The following MUC4 variants were observed in gnomAD, a reference collection of about 807,000 sequenced individuals.
MUC4 encodes the protein mucin-4.
MUC4 carries 202 observed loss-of-function variants against 257.9 expected under a neutral mutation model. That is an observed-to-expected ratio of 0.78 (90% CI 0.70 to 0.88). The LOEUF (loss-of-function observed/expected upper bound fraction) is 0.88. Among genes scored for constraint, MUC4 ranks in the 40% least tolerant of loss-of-function variants. The pLI is 0.00. For missense variants in MUC4, 5,976 were observed against 6,513.7 expected (o/e 0.92, Z 2.84); for synonymous variants, 2,351 against 2,757.1 (o/e 0.85, Z 4.62).
At chr3:195,753,536 C>A in intron 19 of MUC4, 1 of 477,028 alleles carries the variant, frequency 2.1e-6, no homozygotes, top group Non-Finnish European at 3.7e-6. Context: ...CACGCCCTCC[C>A]CTCTCACGTC....
rs1560240644 is a variant in MUC4 at position 195,760,972 on chromosome 3, G to GA, written c.14759dup (p.Tyr4921LeufsTer2). 6.2e-7 allele frequency: 1 copy of GA among 1,614,096 alleles called. No homozygotes were observed. Among genetic ancestry groups the GA allele is most frequent in the Non-Finnish European group, 8.5e-7 (1 of 1,180,036 alleles). On this transcript the variant is annotated frameshift_variant, in exon 16 of 25. Coordinates refer to ENST00000463781, the MANE Select transcript of MUC4 (RefSeq NM_018406.7). LOFTEE classifies it high-confidence loss of function. ...CGTTGCGCAGGGCCAGGGTGTCATA[G>GA]ATGCATGAGCTATCTCCGTCACAGT...
intron 1 of MUC4, among the ~76,000 whole-genome samples, chr3:195,798,583 A>T (rs1187844814): frequency 2.0e-5 from 3 of 150,278 alleles, no homozygotes; most frequent in African/African-American, 7.3e-5. Context: ...GGGCGCCTGT[A>T]GTCCCAGCTA....
intron 1 of MUC4, among the ~76,000 whole-genome samples, chr3:195,800,392 G>A (rs911373155): frequency 6.6e-6 from 1 of 152,152 alleles, no homozygotes; most frequent in Admixed American, 6.5e-5. Flanking sequence ...TCCTGCTGCC[G>A]CAAATAGGAG....
Position 195,779,850 on chromosome 3 carries a change from AGTGTCG to A in MUC4, c.11724_11729del (p.Asp3909_Thr3910del). 2 of 629,962 alleles carry A rather than the reference AGTGTCG, an allele frequency of 3.2e-6. No individual in the cohort carries two copies. The highest frequency in any genetic ancestry group is 4.6e-6 in the Non-Finnish European group (2 of 433,134). 39.0% of individuals were successfully genotyped at this position (629,962 alleles called of 1,614,324 possible). A position where few individuals can be genotyped will look rare whatever the true frequency, so the allele number is the denominator to read the frequency against. On this transcript the variant is annotated inframe_deletion, in exon 2 of 25. Transcript: ENST00000463781. The stretch of plus-strand genomic sequence containing the variant: ...TGGTGTCATCTGTGGAAGCTGAGGA[AGTGTCG>A]GTGACAGGAAGAGGGGTGGCGTGAC...
In MUC4 at chr3:195,780,952, G is replaced by A. The variant is rs755002294; in HGVS notation, c.10628C>T (p.Ser3543Phe). ...GGTGGTGTCACCTGTGGATACTGAG[G>A]AAAGGCTGGTGACAGGAAGAGGCGT... is the stretch of plus-strand genomic sequence containing the variant. ...HATPLPVTSL[S>F]SVSTGDTTPL... is the part of the protein sequence containing the mutation. Residue 3543 changes from serine (S) to phenylalanine (F), a missense_variant, in exon 2 of 25, where the codon TCC (serine) becomes TTC (phenylalanine). Coordinates refer to ENST00000463781, the MANE Select transcript of MUC4 (RefSeq NM_018406.7). 3.3e-6 allele frequency: 5 copies of A among 1,499,714 alleles called. No individual in the cohort carries two copies. The African/African-American group carries it at 6.2e-5, about 18-fold the overall frequency. The allele number at this position is 1,499,714 out of a possible 1,614,324, so 92.9% of individuals were successfully genotyped here. A position where few individuals can be genotyped will look rare whatever the true frequency, so the allele number is the denominator to read the frequency against.
Position 195,780,399 on chromosome 3 carries a change from G to A in MUC4, c.11181C>T (p.Thr3727=), listed in dbSNP as rs1560309581. The A allele has an allele frequency of 1.3e-6, 2 of 1,526,776 alleles. No homozygotes were observed. Among genetic ancestry groups the A allele is most frequent in the South Asian group, 1.2e-5 (1 of 83,448 alleles). The allele number at this position is 1,526,776 out of a possible 1,614,324, so 94.6% of individuals were successfully genotyped here. Residue 3727 remains threonine, a synonymous_variant, in exon 2 of 25, where the codon ACC becomes ACT. Transcript: ENST00000463781. The part of the protein sequence containing the change: ...STSSVSTGHV[T]PLHVTSPSSA... Reference sequence around the variant, plus strand: ...AGGAAGGGCTGGTGACATGAAGAGGGGTGACGTGACCTGTAGATACTGAGG... The same window carrying A: ...AGGAAGGGCTGGTGACATGAAGAGGAGTGACGTGACCTGTAGATACTGAGG...
In MUC4 at chr3:195,781,200, G is replaced by C. The variant is rs745694333; in HGVS notation, c.10380C>G (p.Thr3460=). The C allele has an allele frequency of 1.3e-5, 19 of 1,409,826 alleles. 1 individual carries two copies. In the South Asian group the frequency reaches 2.0e-4, roughly 15 times the overall value. 87.3% of individuals were successfully genotyped at this position (1,409,826 alleles called of 1,614,324 possible). A position where few individuals can be genotyped will look rare whatever the true frequency, so the allele number is the denominator to read the frequency against. The change falls in exon 2 of 25, where the codon ACC becomes ACG. Residue 3460 remains threonine, a synonymous_variant. Transcript: ENST00000463781. ...CACCTGTGGATGCTGAGGAAGTGTC[G>C]GTGACAGGAAGAGGGGTGGTGTGAC... The part of the protein sequence containing the change: ...STGHTTPLPV[T]DTSSASTGDT...
In MUC4 at chr3:195,792,815, G is replaced by A. The variant is rs192856354; in HGVS notation, c.83-1318C>T. 9.2e-5 allele frequency among the ~76,000 whole-genome samples: 14 copies of A among 152,298 alleles called. No individual in the cohort carries two copies. The East Asian group carries it at 2.5e-3, about 27-fold the overall frequency. On this transcript the variant is annotated intron_variant, in intron 1 of 24. Transcript: ENST00000463781. The stretch of plus-strand genomic sequence containing the variant: ...ACTATGCAGCCATGAAAAAGGAATG[G>A]GATCACGTCCTTTGCAGGTACATGG...
Position 195,789,499 on chromosome 3 carries a change from G to A in MUC4, c.2081C>T (p.Thr694Ile). The change falls in exon 2 of 25, where the codon ACC becomes ATC. Residue 694 changes from threonine (T) to isoleucine (I), a missense_variant. Physicochemically the swap from Thr to Ile is moderately conservative, Grantham distance 89 (BLOSUM62 -1). This residue lies in a region of MUC4 where 1,583 missense variants were observed against 1,257.4 expected (regional missense o/e 1.26). Transcript: ENST00000463781. ...ATCCCCGGTGGGAGCTGGGGCAAAG[G>A]TTGTTGCTGCACTTATGGTGGGTGC... ...QDAPTISAAT[T>I]FAPAPTGDGH... 2.5e-6 allele frequency: 4 copies of A among 1,613,836 alleles called. No homozygotes were observed. The South Asian group carries it at 3.3e-5, about 13-fold the overall frequency.
At chr3:195,762,690 C>T (rs1264730425) in intron 13 of MUC4, among the ~76,000 whole-genome samples, 165 bp downstream of exon 13, 1 of 145,744 alleles carries the variant, frequency 6.9e-6, no homozygotes, top group East Asian at 2.0e-4. Context: ...GCACCCGGCC[C>T]TGCACCGCAA....
In MUC4 at chr3:195,786,888, A is replaced by T. The variant is rs1218685110; in HGVS notation, c.4692T>A (p.Gly1564=). ...PVTDASSVST[G]HTTPLPVTSP... The stretch of plus-strand genomic sequence containing the variant: ...TGGTGACAGGAAGAGGGGTGGTGTG[A>T]CCTGTGGATACTGAGGAAGCGTCGG... Residue 1564 remains glycine (G), a synonymous_variant, in exon 2 of 25, where the codon GGT becomes GGA. Transcript: ENST00000463781. 3.3e-6 allele frequency: 5 copies of T among 1,522,726 alleles called. No homozygotes were observed. The highest frequency in any genetic ancestry group is 2.0e-5 in the Admixed American group (1 of 48,818). 94.3% of individuals were successfully genotyped at this position (1,522,726 alleles called of 1,614,324 possible). A position where few individuals can be genotyped will look rare whatever the true frequency, so the allele number is the denominator to read the frequency against.
rs577626139 is a variant in MUC4 at position 195,764,131 on chromosome 3, C to T, written c.13958G>A (p.Arg4653His). 18 of 1,587,930 alleles carry T rather than the reference C, an allele frequency of 1.1e-5. No individual in the cohort carries two copies. Among genetic ancestry groups the T allele is most frequent in the African/African-American group, 4.0e-5 (3 of 74,484 alleles). Residue 4653 changes from arginine to histidine, a missense_variant, in exon 11 of 25, where the codon CGC becomes CAC. Transcript: ENST00000463781. ...ACAGAGGTAGGGCTTGTCATTCCAG[C>T]GGCAGCACCAGCTCTGTGGCTCCAG... is the stretch of plus-strand genomic sequence containing the variant. ...QELEPQSWCC[R>H]WNDKPYLCAL...
rs1216151012 is a variant in MUC4 at position 195,781,260 on chromosome 3, A to T, written c.10320T>A (p.Pro3440=). ...TSSASTGHAT[P]VPVTSTSSAS... is the part of the protein sequence containing the mutation. ...CTGAGGAAGTGCTGGTGACAGGAAC[A>T]GGGGTGGCGTGACCGGTGGATGCTG... The change falls in exon 2 of 25, where the codon CCT becomes CCA. Residue 3440 remains proline, a synonymous_variant. Transcript: ENST00000463781. 3 of 1,499,902 alleles carry T rather than the reference A, an allele frequency of 2.0e-6. No individual in the cohort carries two copies. The highest frequency in any genetic ancestry group is 2.7e-6 in the Non-Finnish European group (3 of 1,117,726). The allele number at this position is 1,499,902 out of a possible 1,614,324, so 92.9% of individuals were successfully genotyped here. A position where few individuals can be genotyped will look rare whatever the true frequency, so the allele number is the denominator to read the frequency against.
chr3:195,768,189 C>T (rs140990113), intron 7 of MUC4, among the ~76,000 whole-genome samples: 39 of 152,298 alleles, frequency 2.6e-4, no homozygotes, highest in African/African-American at 8.7e-4. Flanking sequence ...AATTCCCCTC[C>T]TTTCTCCTTC....
chr3:195,753,339 T>G (rs1577941670), intron 19 of MUC4, 109 bp from the exon 20 acceptor site: 1 of 1,106,446 alleles, frequency 9.0e-7, no homozygotes, highest in Non-Finnish European at 1.3e-6. Context: ...GTGTTCCACT[T>G]CGGGCCACTC....
intron 1 of MUC4, among the ~76,000 whole-genome samples, chr3:195,801,387 G>A (rs1203294397): frequency 6.6e-6 from 1 of 151,966 alleles, no homozygotes; most frequent in African/African-American, 2.4e-5. Flanking sequence ...AAGAACCAAA[G>A]CCGTGCCCTT....
In MUC4 at chr3:195,785,003, G is replaced by T. The variant is rs1165343138; in HGVS notation, c.6577C>A (p.Leu2193Ile). ...GCTGAGGAAGTGTCGGTGACAGGAA[G>T]AGGGGTGGCGTGACCTGTGGATGCT... ...SSASTGHATPLPVTDTSSAST... is the reference protein window; with the variant it reads ...SSASTGHATPIPVTDTSSAST... Residue 2193 changes from leucine to isoleucine, a missense_variant, in exon 2 of 25, where the codon CTT (leucine) becomes ATT (isoleucine). This residue lies in a region of MUC4 where 85 missense variants were observed against 325.0 expected (regional missense o/e 0.26). Coordinates refer to ENST00000463781, the MANE Select transcript of MUC4 (RefSeq NM_018406.7). 1 of 1,516,808 alleles carries T rather than the reference G, an allele frequency of 6.6e-7. No individual in the cohort carries two copies. Among genetic ancestry groups the T allele is most frequent in the Admixed American group, 2.0e-5 (1 of 49,642 alleles). 94.0% of individuals were successfully genotyped at this position (1,516,808 alleles called of 1,614,324 possible).
chr3:195,790,407 T>C lies in MUC4; in HGVS notation c.1173A>G (p.Ser391=), dbSNP rs1248602623. ...TGGAGGTTGGCATTCTGAACACCTT[T>C]GATGTTACCAGGAATGTATTGCTGA... ...SSVSNTFLVT[S]KVFRMPTSRD... The change falls in exon 2 of 25, where the codon TCA becomes TCG. Residue 391 remains serine, a synonymous_variant. Transcript: ENST00000463781. The C allele has an allele frequency of 1.2e-6, 2 of 1,613,690 alleles. No individual in the cohort carries two copies. The highest frequency in any genetic ancestry group is 2.2e-5 in the East Asian group (1 of 44,886).
intron 1 of MUC4, among the ~76,000 whole-genome samples, chr3:195,792,631 G>T (rs947254968): frequency 6.6e-6 from 1 of 152,176 alleles, no homozygotes; most frequent in African/African-American, 2.4e-5. Flanking sequence ...CCATTACTGG[G>T]TATATGCCCA....
Sources: gnomAD v4.1 joint callset for allele counts (sites outside exome capture counted in the v4.1 genomes callset) on GRCh38, gnomAD v4.1.1 for gene constraint, gnomAD v4.1.1 regional missense constraint, MANE v1.5 for transcripts, NCBI Gene and HGNC (gene_info 2026-07-23, HGNC 2026-07-21) for gene names.